The following OR14A2 variants were observed in gnomAD, a reference collection of about 807,000 sequenced individuals.
The protein encoded by OR14A2 is olfactory receptor family 14 subfamily A member 2, also known as olfactory receptor 14A2.
For synonymous variants in OR14A2, 114 were observed against 58.6 expected, an observed-to-expected ratio of 1.95 and a Z score of -4.32; for missense variants, 237 against 152.9, an observed-to-expected ratio of 1.55 and a Z score of -2.90.
chr1:247,724,167 G>A (rs192936195), upstream of OR14A2: 127 of 553,046 alleles, frequency 2.3e-4, no homozygotes, highest in Admixed American at 1.2e-3. Context: ...AAAATATTCA[G>A]TGGAAAGGAG....
At chr1:247,726,052 T>C (rs2103202979), upstream of OR14A2, among the ~76,000 whole-genome samples, 1 of 142,868 alleles carries the variant, frequency 7.0e-6, no homozygotes, top group Admixed American at 6.8e-5. Context: ...TACCCAGTAA[T>C]GGGATGGCTG....
At chr1:247,727,141 G>A (rs1226362805), upstream of OR14A2, among the ~76,000 whole-genome samples, 1 of 149,298 alleles carries the variant, frequency 6.7e-6, no homozygotes, top group Non-Finnish European at 1.5e-5. Context: ...CCATTTTCAC[G>A]ATATTGATTC....
exon 1 of OR14A2, chr1:247,723,469 A>T (rs889124593): frequency 2.8e-6 from 2 of 717,622 alleles, no homozygotes; most frequent in Admixed American, 2.0e-5. Flanking sequence ...ATAAATTACC[A>T]TTAGTGTTTC....
At chr1:247,728,214 G>T (rs557497748), upstream of OR14A2, among the ~76,000 whole-genome samples, 2 of 152,262 alleles carry the variant, frequency 1.3e-5, no homozygotes, top group East Asian at 3.9e-4. Flanking sequence ...ACATCAAAAA[G>T]CTTATCCACT....
upstream of OR14A2, among the ~76,000 whole-genome samples, chr1:247,728,417 C>A (rs1044527239): frequency 1.3e-5 from 2 of 151,972 alleles, no homozygotes; most frequent in African/African-American, 4.8e-5. Context: ...ATTGATGGGA[C>A]GTATTTCAAA....
chr1:247,723,061 T>A (rs1030975426), downstream of OR14A2: 8 of 635,386 alleles, frequency 1.3e-5, no homozygotes, highest in Non-Finnish European at 2.0e-5. Context: ...TTTCTTGTGA[T>A]CTGTAAGGCA....
At chr1:247,736,529 A>T in the OR14A2 span, among the ~76,000 whole-genome samples, 1 of 152,200 alleles carries the variant, frequency 6.6e-6, no homozygotes, top group Non-Finnish European at 1.5e-5. Context: ...GCTATCACTC[A>T]TTTCATATGT....
At chr1:247,742,603 T>G in the OR14A2 span, among the ~76,000 whole-genome samples, 1 of 152,340 alleles carries the variant, frequency 6.6e-6, no homozygotes, top group East Asian at 1.9e-4. Flanking sequence ...ACTTAACTGC[T>G]TGTTCTAGGA....
chr1:247,738,532 A>G, the OR14A2 span: 2 of 661,308 alleles, frequency 3.0e-6, no homozygotes, highest in Non-Finnish European at 5.5e-6. Flanking sequence ...TTCATTCAAC[A>G]AATGAAGAAA....
upstream of OR14A2, chr1:247,724,067 C>A: frequency 1.5e-6 from 1 of 660,096 alleles, no homozygotes; most frequent in Non-Finnish European, 2.8e-6. Context: ...CAGTGCCTGT[C>A]AAGGTGAGAA....
At chr1:247,728,231 A>G (rs1428321349), upstream of OR14A2, among the ~76,000 whole-genome samples, 1 of 152,216 alleles carries the variant, frequency 6.6e-6, no homozygotes, top group Non-Finnish European at 1.5e-5. Flanking sequence ...CACTATGATC[A>G]AGTGGGCTTC....
At chr1:247,729,772 C>A in the OR14A2 span, among the ~76,000 whole-genome samples, 1 of 152,068 alleles carries the variant, frequency 6.6e-6, no homozygotes, top group African/African-American at 2.4e-5. Context: ...AAATGTCACT[C>A]TCTATCCTTT....
chr1:247,743,592 T>C, the OR14A2 span, among the ~76,000 whole-genome samples: 1 of 152,374 alleles, frequency 6.6e-6, no homozygotes, highest in African/African-American at 2.4e-5. Flanking sequence ...AAGATGCATT[T>C]CATTCATAAT....
At chr1:247,740,716 A>G in the OR14A2 span, among the ~76,000 whole-genome samples, 2 of 152,200 alleles carry the variant, frequency 1.3e-5, no homozygotes, top group East Asian at 1.9e-4. Flanking sequence ...TCCTTGCTGC[A>G]GGAGACAATC....
At chr1:247,743,405 C>T in the OR14A2 span, among the ~76,000 whole-genome samples, 2 of 152,186 alleles carry the variant, frequency 1.3e-5, no homozygotes, top group Non-Finnish European at 2.9e-5. Context: ...AGCACCTTGG[C>T]CCCTCCAGCC....
At chr1:247,723,031 A>G (rs1161186360), downstream of OR14A2, 2 of 621,026 alleles carry the variant, frequency 3.2e-6, no homozygotes, top group East Asian at 2.7e-5. Context: ...AGGTCTTTCC[A>G]AAGTTACAAA....
chr1:247,733,263 A>C, the OR14A2 span, among the ~76,000 whole-genome samples: 1 of 152,020 alleles, frequency 6.6e-6, no homozygotes, highest in Non-Finnish European at 1.5e-5. Context: ...TAAAGACGAA[A>C]AGTGAATAGA....
upstream of OR14A2, among the ~76,000 whole-genome samples, chr1:247,726,707 GT>G (rs1660374769): frequency 6.8e-6 from 1 of 147,058 alleles, no homozygotes; most frequent in Admixed American, 6.8e-5. Flanking sequence ...ATTGATTTTT[GT>G]ATAAGGTGTA....
chr1:247,732,758 C>A, the OR14A2 span, among the ~76,000 whole-genome samples: 1 of 152,066 alleles, frequency 6.6e-6, no homozygotes, highest in Admixed American at 6.6e-5. Context: ...GAATACTAAT[C>A]ATCAGTAAAA....
Sources: gnomAD v4.1 joint callset for allele counts (sites outside exome capture counted in the v4.1 genomes callset) on GRCh38, gnomAD v4.1.1 for gene constraint, MANE v1.5 for transcripts, NCBI Gene and HGNC (gene_info 2026-07-23, HGNC 2026-07-21) for gene names.